The following GLRB variants were observed in gnomAD, a reference collection of about 807,000 sequenced individuals.
GLRB encodes the protein glycine receptor subunit beta.
GLRB carries 33 observed loss-of-function variants against 54.2 expected under a neutral mutation model. The ratio of observed to expected loss-of-function variants is 0.61; its 90% CI spans 0.46 to 0.81. GLRB has a LOEUF of 0.81. Among genes scored for constraint, GLRB ranks in the 40% least tolerant of loss-of-function variants. GLRB has a pLI of 0.00. For synonymous variants in GLRB, 209 were observed against 208.2 expected (o/e 1.00, Z -0.03); for missense variants, 572 against 584.6 (o/e 0.98, Z 0.22).
chr4:157,143,857 T>C lies in GLRB; in HGVS notation c.802T>C (p.Phe268Leu). Reference sequence around the variant, plus strand: ...CTTCACCCTGAGGAGGCAGGTCGGCTTTTACATGATGGGGGTCTACGCCCC... The same window carrying C: ...CTTCACCCTGAGGAGGCAGGTCGGCCTTTACATGATGGGGGTCTACGCCCC... ...VIFTLRRQVG[F>L]YMMGVYAPTL... Residue 268 changes from phenylalanine (F) to leucine (L), a missense_variant, in exon 8 of 10, where the codon TTT becomes CTT. Phe to Leu is a conservative substitution (Grantham distance 22). Transcript: ENST00000264428. The C allele has an allele frequency of 6.2e-7, 1 of 1,613,806 alleles. No homozygotes were observed. Among genetic ancestry groups the C allele is most frequent in the Non-Finnish European group, 8.5e-7 (1 of 1,179,902 alleles).
intron 2 of GLRB, among the ~76,000 whole-genome samples, chr4:157,102,119 A>G (rs909085640): frequency 4.6e-5 from 7 of 152,204 alleles, no homozygotes; most frequent in Non-Finnish European, 8.8e-5. Context: ...TCAAAAAGTC[A>G]TCATGTTGTA....
chr4:157,149,684 G>A (rs1736947046), intron 8 of GLRB, among the ~76,000 whole-genome samples: 1 of 151,860 alleles, frequency 6.6e-6, no homozygotes, highest in Admixed American at 6.6e-5. Context: ...TACAAATTTG[G>A]TGATTATCAC....
At chr4:157,096,054 T>TG (rs1560939011) in intron 2 of GLRB, among the ~76,000 whole-genome samples, 1 of 152,054 alleles carries the variant, frequency 6.6e-6, no homozygotes, top group Non-Finnish European at 1.5e-5. Flanking sequence ...AGTGGCCAGT[T>TG]GGAGAAAAGT....
At chr4:157,103,023 C>T (rs751176146) in intron 2 of GLRB, among the ~76,000 whole-genome samples, 21 of 151,858 alleles carry the variant, frequency 1.4e-4, no homozygotes, top group Admixed American at 2.6e-4. Flanking sequence ...TGGGGATGCA[C>T]GCCTGTAGTC....
intron 8 of GLRB, among the ~76,000 whole-genome samples, chr4:157,150,426 C>CT (rs1339183654): frequency 6.6e-6 from 1 of 152,012 alleles, no homozygotes; most frequent in African/African-American, 2.4e-5. Context: ...GAATACTCCC[C>CT]TTTTCCCTCC....
At chr4:157,092,364 T>C (rs2126455034) in intron 2 of GLRB, among the ~76,000 whole-genome samples, 1 of 152,342 alleles carries the variant, frequency 6.6e-6, no homozygotes, top group African/African-American at 2.4e-5. Context: ...TCTCTGATAG[T>C]ATAATTTGGA....
At chr4:157,136,725 C>A in intron 5 of GLRB, 27 bp downstream of exon 5, 2 of 1,519,484 alleles carry the variant, frequency 1.3e-6, no homozygotes, top group Non-Finnish European at 1.8e-6. Flanking sequence ...CATATTTGTG[C>A]ATTTATATTT....
intron 9 of GLRB, among the ~76,000 whole-genome samples, chr4:157,155,500 G>A (rs1737191762): frequency 6.6e-6 from 1 of 152,042 alleles, no homozygotes; most frequent in South Asian, 2.1e-4. Context: ...CCCTTTATCT[G>A]AGAATGTCTT....
chr4:157,128,086 A>G (rs896176088), intron 4 of GLRB, among the ~76,000 whole-genome samples: 2 of 151,914 alleles, frequency 1.3e-5, no homozygotes, highest in Non-Finnish European at 2.9e-5. Context: ...CTTTTTCCAT[A>G]TATGAAAATG....
At chr4:157,085,794 G>T (rs939227870) in intron 2 of GLRB, among the ~76,000 whole-genome samples, 3 of 151,434 alleles carry the variant, frequency 2.0e-5, no homozygotes, top group Non-Finnish European at 3.0e-5. Flanking sequence ...ACCGTGCCTG[G>T]CCTGTATTTT....
chr4:157,136,892 T>C lies in GLRB; in HGVS notation c.610+6T>C. The C allele has an allele frequency of 6.6e-7, 1 of 1,517,802 alleles. No individual in the cohort carries two copies. Among genetic ancestry groups the C allele is most frequent in the East Asian group, 2.3e-5 (1 of 44,368 alleles). 94.0% of individuals were successfully genotyped at this position (1,517,802 alleles called of 1,614,324 possible). On this transcript the variant is annotated splice_donor_region_variant and intron_variant, in intron 6 of 9. Coordinates refer to ENST00000264428, the MANE Select transcript of GLRB (RefSeq NM_000824.5). ...CAAGATGCAACTGGAGAGCTGTACG[T>C]AAATGAGAACATAATTGATTATGAA...
At chr4:157,080,914 C>T (rs1579178665) in intron 2 of GLRB, among the ~76,000 whole-genome samples, 1 of 151,958 alleles carries the variant, frequency 6.6e-6, no homozygotes, top group African/African-American at 2.4e-5. Context: ...CCCCTCAAGA[C>T]TGTAAATAGA....
intron 4 of GLRB, among the ~76,000 whole-genome samples, chr4:157,134,019 A>G (rs187097706): frequency 6.6e-6 from 1 of 152,150 alleles, no homozygotes. Flanking sequence ...GCGTGTATGG[A>G]AATTTTAAGG....
intron 2 of GLRB, among the ~76,000 whole-genome samples, chr4:157,096,540 A>C (rs960915657): frequency 6.6e-6 from 1 of 152,232 alleles, no homozygotes; most frequent in African/African-American, 2.4e-5. Flanking sequence ...AGAAGGGCTT[A>C]TCTTTCAATA....
intron 9 of GLRB, among the ~76,000 whole-genome samples, chr4:157,163,808 C>A (rs1441367488): frequency 7.1e-6 from 1 of 139,876 alleles, no homozygotes; most frequent in African/African-American, 3.2e-5. Flanking sequence ...TCTTCTCTCC[C>A]TTTTATAGTC....
At chr4:157,106,801 C>T (rs974623778) in intron 2 of GLRB, among the ~76,000 whole-genome samples, 5 of 152,080 alleles carry the variant, frequency 3.3e-5, no homozygotes, top group East Asian at 1.9e-4. Context: ...TCCAACTTGC[C>T]GATAGCCTAT....
intron 2 of GLRB, among the ~76,000 whole-genome samples, chr4:157,090,166 A>G (rs959766019): frequency 1.3e-5 from 2 of 152,188 alleles, no homozygotes; most frequent in African/African-American, 2.4e-5. Context: ...TACAACCTAG[A>G]GCATGTTTAG....
chr4:157,139,088 G>A lies in GLRB; in HGVS notation c.751+139G>A. Reference sequence around the variant, plus strand: ...AAATAGTTTATCTTTACATTCATATGTTTAAGTCTTTCACAGAATTGTATT... The same window carrying A: ...AAATAGTTTATCTTTACATTCATATATTTAAGTCTTTCACAGAATTGTATT... On this transcript the variant is annotated intron_variant, in intron 7 of 9. Coordinates refer to ENST00000264428, the MANE Select transcript of GLRB (RefSeq NM_000824.5). The A allele has an allele frequency of 5.3e-6, 3 of 562,454 alleles. No individual in the cohort carries two copies. In the South Asian group the frequency reaches 7.9e-5, roughly 15 times the overall value. The allele number at this position is 562,454 out of a possible 1,614,324, so 34.8% of individuals were successfully genotyped here.
chr4:157,136,304 A>G (rs981695737), intron 4 of GLRB, 165 bp from the exon 5 acceptor site: 2 of 622,644 alleles, frequency 3.2e-6, no homozygotes, highest in African/African-American at 3.7e-5. Context: ...TATACTGCTA[A>G]TGGAGCTCTC....
Sources: allele counts gnomAD v4.1 joint callset (sites outside exome capture counted in the v4.1 genomes callset), GRCh38; gene constraint gnomAD v4.1.1; transcripts MANE v1.5; gene names NCBI Gene and HGNC (gene_info 2026-07-23, HGNC 2026-07-21).